The following PPP2R5C variants were observed in gnomAD, a reference collection of about 807,000 sequenced individuals.
PPP2R5C encodes the protein serine/threonine-protein phosphatase 2A 56 kDa regulatory subunit gamma isoform.
In PPP2R5C, 7 loss-of-function variants were observed where a neutral mutation model predicts 68.9. The observed-to-expected ratio is 0.10, with a 90% CI of 0.06 to 0.19. The LOEUF is 0.19. PPP2R5C is among the 10% of genes least tolerant of loss of function. The pLI is 1.00. For missense variants in PPP2R5C, 348 were observed against 641.3 expected, an observed-to-expected ratio of 0.54 and a Z score of 4.94; for synonymous variants, 210 against 222.2, an observed-to-expected ratio of 0.95 and a Z score of 0.49.
chr14:101,806,588 A>G (rs1183203489), upstream of PPP2R5C, among the ~76,000 whole-genome samples: 1 of 152,120 alleles, frequency 6.6e-6, no homozygotes, highest in East Asian at 1.9e-4. Flanking sequence ...TTTTTAATCA[A>G]TTATAATATT....
At chr14:101,837,038 C>A (rs901250243) in intron 1 of PPP2R5C, among the ~76,000 whole-genome samples, 6 of 152,166 alleles carry the variant, frequency 3.9e-5, no homozygotes, top group African/African-American at 1.4e-4. Flanking sequence ...CCTCACAGGT[C>A]ATGTGGTAGA....
At chr14:101,842,755 T>C (rs1350000033) in intron 1 of PPP2R5C, among the ~76,000 whole-genome samples, 1 of 67,416 alleles carries the variant, frequency 1.5e-5, no homozygotes, top group African/African-American at 4.9e-5. Flanking sequence ...TGTGTCTTTT[T>C]TCTTTTTTTT....
intron 10 of PPP2R5C, among the ~76,000 whole-genome samples, chr14:101,907,327 C>T (rs867384256): frequency 6.6e-6 from 1 of 151,950 alleles, no homozygotes; most frequent in Non-Finnish European, 1.5e-5. Context: ...CCCACCGCTA[C>T]GCCTGGCTAA....
At position 101,829,554 on chromosome 14, in the gene PPP2R5C, A is replaced by G. The variant is rs141423469; in HGVS notation, c.94+19518A>G. Among the ~76,000 whole-genome samples the G allele has an allele frequency of 2.7e-3, 410 of 152,326 alleles. 9 individuals are homozygous for G. Among genetic ancestry groups the G allele is most frequent in the Admixed American group, 0.019 (290 of 15,304 alleles). ...TTGTTGCCTTAACTTCAGTTAAAAC[A>G]CTGATCGTGCTTTACTTTTAACTGA... On this transcript the variant is annotated intron_variant, in intron 1 of 13. Coordinates refer to ENST00000334743, the Ensembl canonical transcript of PPP2R5C.
intron 1 of PPP2R5C, chr14:101,820,672 C>T (rs1048762509): frequency 6.6e-6 from 1 of 152,282 alleles, no homozygotes; most frequent in Non-Finnish European, 1.5e-5. Context: ...TATACTTGAA[C>T]CAGAATAGCA....
intron 1 of PPP2R5C, among the ~76,000 whole-genome samples, chr14:101,841,348 G>T (rs183154864): frequency 6.6e-6 from 1 of 152,340 alleles, no homozygotes. Flanking sequence ...GCTGTGCCTT[G>T]AGTGTTTTTA....
At position 101,877,792 on chromosome 14, in the gene PPP2R5C, G is replaced by A. The variant is rs1276399909; in HGVS notation, c.295-4369G>A. On this transcript the variant is annotated intron_variant, in intron 2 of 13. Transcript: ENST00000334743. This position sits in a 1 kb window ranked among gnomAD's most constrained non-coding sequence, Gnocchi z 4.2. Reference sequence around the variant, plus strand: ...CACTAAATTAATGCAATGTAATGTGGTAAGAAAGGTGTGTAGAAGTTAGGA... The same window carrying A: ...CACTAAATTAATGCAATGTAATGTGATAAGAAAGGTGTGTAGAAGTTAGGA... 6.6e-6 allele frequency among the ~76,000 whole-genome samples: 1 copy of A among 152,190 alleles called. No individual in the cohort carries two copies. The highest frequency in any genetic ancestry group is 1.5e-5 in the Non-Finnish European group (1 of 68,048).
At chr14:101,764,099 AG>A (rs1409865990) in intron 2 of PPP2R5C, among the ~76,000 whole-genome samples, 2 of 152,234 alleles carry the variant, frequency 1.3e-5, no homozygotes, top group African/African-American at 4.8e-5. Context: ...ATTGAGGAAC[AG>A]CTGGAATGCC....
rs568049214 is a variant in PPP2R5C, at chr14:101,820,689, A to G, written c.94+10653A>G. On this transcript the variant is annotated intron_variant, in intron 1 of 13. Transcript: ENST00000334743. ...TACTTGAACCAGAATAGCATATCAC[A>G]GCAAGTTGAACACAGAAGCATGTCG... The G allele has an allele frequency of 3.2e-4, 49 of 152,364 alleles. 1 individual carries two copies. The highest frequency in any genetic ancestry group is 1.0e-3 in the African/African-American group (43 of 41,580). 9.4% of individuals were successfully genotyped at this position (152,364 alleles called of 1,614,324 possible).
intron 1 of PPP2R5C, among the ~76,000 whole-genome samples, chr14:101,841,299 A>T (rs1424151103): frequency 3.3e-5 from 5 of 152,200 alleles, no homozygotes; most frequent in Non-Finnish European, 7.3e-5. Context: ...CAGAGTTAGA[A>T]ATGAAGGGGG....
chr14:101,762,822 C>T (rs1282605874), intron 1 of PPP2R5C, 83 bp from the exon 2 acceptor site: 1 of 1,140,886 alleles, frequency 8.8e-7, no homozygotes, highest in East Asian at 2.6e-5. Context: ...GTATAAATCA[C>T]TTTTAAAACT....
At chr14:101,848,019 C>G (rs2041944608) in intron 1 of PPP2R5C, among the ~76,000 whole-genome samples, 1 of 152,120 alleles carries the variant, frequency 6.6e-6, no homozygotes, top group African/African-American at 2.4e-5. Context: ...CAATTGCTCC[C>G]CACCCATGCT....
chr14:101,912,692 T>G, intron 12 of PPP2R5C: 1 of 1,016,376 alleles, frequency 9.8e-7, no homozygotes, highest in Non-Finnish European at 1.3e-6. Flanking sequence ...TTTTTTCCTC[T>G]GCTTTTTAAA....
intron 2 of PPP2R5C, among the ~76,000 whole-genome samples, chr14:101,864,933 C>T (rs942618763): frequency 2.6e-5 from 4 of 152,076 alleles, no homozygotes; most frequent in Admixed American, 6.5e-5. Context: ...ACATCTGCTG[C>T]GGCATTTCAG....
intron 2 of PPP2R5C, among the ~76,000 whole-genome samples, chr14:101,858,115 G>A (rs762954227): frequency 2.6e-5 from 4 of 152,146 alleles, no homozygotes; most frequent in African/African-American, 7.2e-5. Context: ...ACTTGTGCCT[G>A]AAGAAGAGTA....
At chr14:101,819,444 G>A (rs558781998) in intron 1 of PPP2R5C, 5 of 215,220 alleles carry the variant, frequency 2.3e-5, no homozygotes, top group East Asian at 9.7e-5. Flanking sequence ...TTCTTTCATC[G>A]AGCAGGACAG....
intron 7 of PPP2R5C, 124 bp from the exon 10 acceptor site, chr14:101,894,383 A>C: frequency 1.3e-6 from 1 of 759,174 alleles, no homozygotes; most frequent in Non-Finnish European, 2.2e-6. Context: ...TAATCACACA[A>C]GGGCTTTGTC....
chr14:101,761,849 A>AGGCGGCGGCAGG (rs1809397055), upstream of PPP2R5C: 3 of 1,035,402 alleles, frequency 2.9e-6, no homozygotes, highest in Non-Finnish European at 2.3e-6. Flanking sequence ...CTGCGGGGGC[A>AGGCGGCGGCAGG]GGCGGCGGCA....
At chr14:101,845,832 G>A (rs1195711128) in intron 1 of PPP2R5C, among the ~76,000 whole-genome samples, 1 of 152,164 alleles carries the variant, frequency 6.6e-6, no homozygotes, top group Non-Finnish European at 1.5e-5. Context: ...AACAAAGCTG[G>A]ATAAACCACA....
Sources: gnomAD v4.1 joint callset for allele counts (sites outside exome capture counted in the v4.1 genomes callset) on GRCh38, gnomAD v4.1.1 for gene constraint, Gnocchi (gnomAD v3.1) non-coding constraint, MANE v1.5 for transcripts, NCBI Gene and HGNC (gene_info 2026-07-23, HGNC 2026-07-21) for gene names.